ACSBG2: variants seen among roughly 807,000 people sequenced by gnomAD.
The protein encoded by ACSBG2 is acyl-CoA synthetase bubblegum family member 2.
In ACSBG2, 62 loss-of-function variants were observed where a neutral mutation model predicts 74.7. That is an observed-to-expected ratio of 0.83 (90% CI 0.68 to 1.03). ACSBG2 has a LOEUF of 1.03. Among genes scored for constraint, ACSBG2 ranks in the 50% least tolerant of loss-of-function variants. ACSBG2 has a pLI of 0.00. For synonymous variants in ACSBG2, 309 were observed against 294.1 expected (o/e 1.05, Z -0.52); for missense variants, 730 against 817.6 (o/e 0.89, Z 1.31).
chr19:6,176,145 C>T, intron 7 of ACSBG2: 2 of 449,312 alleles, frequency 4.5e-6, no homozygotes, highest in Non-Finnish European at 7.4e-6. Context: ...TCACATAATT[C>T]TCCCTGATTA....
intron 4 of ACSBG2, among the ~76,000 whole-genome samples, chr19:6,153,805 A>G (rs1023714459): frequency 1.3e-5 from 2 of 151,420 alleles, no homozygotes; most frequent in African/African-American, 4.9e-5. Flanking sequence ...TTATGATCAT[A>G]CCACTGCACT....
chr19:6,141,594 C>T lies in ACSBG2; in HGVS notation c.51C>T (p.Asp17=), dbSNP rs2088835844. 6.2e-7 allele frequency: 1 copy of T among 1,606,460 alleles called. No individual in the cohort carries two copies. The change falls in exon 2 of 15, where the codon GAC becomes GAT. Residue 17 remains aspartate, a synonymous_variant. Coordinates refer to ENST00000588485, the MANE Select transcript of ACSBG2 (RefSeq NM_030924.5). ...AAGGAGCTAAAGATCTTGAAGTAGA[C>T]ATGAATAAAACAGAAGGTATATTGC... ...TQEGAKDLEV[D]MNKTEVTPRL...
At chr19:6,142,908 G>A (rs903425921) in intron 2 of ACSBG2, among the ~76,000 whole-genome samples, 1 of 152,090 alleles carries the variant, frequency 6.6e-6, no homozygotes, top group Non-Finnish European at 1.5e-5. Context: ...TGGGTCCAAA[G>A]GGTGGAATAT....
intron 10 of ACSBG2, 110 bp from the exon 11 acceptor site, chr19:6,185,326 G>C: frequency 9.5e-7 from 1 of 1,058,078 alleles, no homozygotes; most frequent in African/African-American, 1.6e-5. Flanking sequence ...TGCATATCCA[G>C]CCTGCTCTAG....
At chr19:6,172,944 C>T (rs1042305423) in intron 7 of ACSBG2, among the ~76,000 whole-genome samples, 3 of 152,182 alleles carry the variant, frequency 2.0e-5, no homozygotes, top group Non-Finnish European at 2.9e-5. Context: ...TATCACACCC[C>T]TGTCATGGGG....
At chr19:6,135,658 T>G (rs1281245417), upstream of ACSBG2, 2 of 152,314 alleles carry the variant, frequency 1.3e-5, no homozygotes. Flanking sequence ...TGGAACGTTC[T>G]GGAAGGTTGA....
rs533106173 is a variant in ACSBG2 at position 6,190,885 on chromosome 19, TC to T, written c.*35+194del. Reference sequence around the variant, plus strand: ...TGCAGTGGATTCTGAGTAGCAGGCTTCAACTCATGCTGTCTCTACTCTACCA... The same window carrying T: ...TGCAGTGGATTCTGAGTAGCAGGCTTAACTCATGCTGTCTCTACTCTACCA... On this transcript the variant is annotated intron_variant, in intron 14 of 14. Transcript: ENST00000588485. The T allele has an allele frequency of 3.1e-4, 149 of 476,352 alleles. 1 individual carries two copies. In the East Asian group the frequency reaches 4.9e-3, roughly 16 times the overall value. The allele number at this position is 476,352 out of a possible 1,614,324, so 29.5% of individuals were successfully genotyped here. A position where few individuals can be genotyped will look rare whatever the true frequency, so the allele number is the denominator to read the frequency against.
intron 2 of ACSBG2, among the ~76,000 whole-genome samples, chr19:6,143,530 A>G (rs2088923275): frequency 6.6e-6 from 1 of 152,136 alleles, no homozygotes. Flanking sequence ...ATACGGTCAC[A>G]GTCTGAAATT....
At chr19:6,153,422 A>G (rs1293181371) in intron 4 of ACSBG2, among the ~76,000 whole-genome samples, 1 of 152,004 alleles carries the variant, frequency 6.6e-6, no homozygotes, top group East Asian at 1.9e-4. Context: ...ATAGAGGTTA[A>G]GTGTCTTCCC....
chr19:6,176,386 T>C, intron 7 of ACSBG2: 1 of 1,521,980 alleles, frequency 6.6e-7, no homozygotes, highest in Non-Finnish European at 8.8e-7. Flanking sequence ...CTGACCACCA[T>C]CTCATGCTTG....
Position 6,161,294 on chromosome 19 carries a change from C to G in ACSBG2, c.587C>G (p.Ser196Cys). 6.2e-7 allele frequency: 1 copy of G among 1,611,976 alleles called. No individual in the cohort carries two copies. Among genetic ancestry groups the G allele is most frequent in the Non-Finnish European group, 8.5e-7 (1 of 1,178,488 alleles). Residue 196 changes from serine to cysteine, a missense_variant and splice_region_variant, in exon 6 of 15, where the codon TCT becomes TGT. Transcript: ENST00000588485. ...ATGAAGAAGAACAACAACTTGTACT[C>G]TGTAAGTGTGGGAGGTGGGCACTGG... Reference protein sequence around the residue: ...LPMKKNNNLYSWDDFMELGRS... With the variant: ...LPMKKNNNLYCWDDFMELGRS...
At chr19:6,140,571 T>G (rs532726387) in intron 1 of ACSBG2, among the ~76,000 whole-genome samples, 2 of 152,042 alleles carry the variant, frequency 1.3e-5, no homozygotes, top group African/African-American at 4.8e-5. Flanking sequence ...TCCCTGCTAC[T>G]CCGGAGGCTG....
At chr19:6,181,285 G>A (rs1305179773) in intron 8 of ACSBG2, among the ~76,000 whole-genome samples, 7 of 144,810 alleles carry the variant, frequency 4.8e-5, no homozygotes, top group Non-Finnish European at 9.1e-5. Flanking sequence ...GGGAAGGGAG[G>A]GGAGGGGAGG....
intron 7 of ACSBG2, among the ~76,000 whole-genome samples, chr19:6,172,111 T>C (rs1186256598): frequency 6.6e-6 from 1 of 152,212 alleles, no homozygotes; most frequent in Non-Finnish European, 1.5e-5. Context: ...AGTTTCCTTA[T>C]ATTGGTTTCC....
intron 4 of ACSBG2, among the ~76,000 whole-genome samples, chr19:6,152,652 G>A (rs1488201419): frequency 1.3e-5 from 2 of 149,000 alleles, no homozygotes; most frequent in Admixed American, 6.8e-5. Flanking sequence ...ATTTCTTCTT[G>A]AGCTTGTAAT....
At position 6,190,850 on chromosome 19, in the gene ACSBG2, C is replaced by T. The variant is rs556762768; in HGVS notation, c.*35+158C>T. On this transcript the variant is annotated intron_variant, in intron 14 of 14. Coordinates refer to ENST00000588485, the MANE Select transcript of ACSBG2 (RefSeq NM_030924.5). ...ACACACACACACACACACACACACA[C>T]ACTCTTAGTTGCAGTGGATTCTGAG... 2.5e-5 allele frequency: 14 copies of T among 553,996 alleles called. No individual in the cohort carries two copies. In the Admixed American group the frequency reaches 3.8e-4, roughly 15 times the overall value. The allele number at this position is 553,996 out of a possible 1,614,324, so 34.3% of individuals were successfully genotyped here. A position where few individuals can be genotyped will look rare whatever the true frequency, so the allele number is the denominator to read the frequency against.
Position 6,147,574 on chromosome 19 carries a change from A to G in ACSBG2, c.196A>G (p.Thr66Ala). 6.2e-7 allele frequency: 1 copy of G among 1,614,194 alleles called. No individual in the cohort carries two copies. The highest frequency in any genetic ancestry group is 8.5e-7 in the Non-Finnish European group (1 of 1,180,024). Residue 66 changes from threonine to alanine, a missense_variant, in exon 3 of 15, where the codon ACT (threonine) becomes GCT (alanine). Coordinates refer to ENST00000588485, the MANE Select transcript of ACSBG2 (RefSeq NM_030924.5). ...TCGAGAGTCAGTCAACCGATTTGGA[A>G]CTTATCCAGCCCTCGCATCCAAGAA... ...FFRESVNRFGTYPALASKNGK... is the reference protein window; with the variant it reads ...FFRESVNRFGAYPALASKNGK...
intron 12 of ACSBG2, 45 bp downstream of exon 12, chr19:6,187,467 C>G (rs762767973): frequency 1.3e-5 from 21 of 1,608,838 alleles, no homozygotes; most frequent in Non-Finnish European, 1.8e-5. Flanking sequence ...TGCAGCCGGT[C>G]TTGGGTTCCC....
rs2090222106 is a variant in ACSBG2, at chr19:6,180,716, A to G, written c.907-2035A>G. On this transcript the variant is annotated intron_variant, in intron 8 of 14. Transcript: ENST00000588485. The surrounding 1 kb of genome is among the most constrained non-coding windows in gnomAD (Gnocchi z 4.3). ...AGTTTCTCTACATCTTCACTAACGC[A>G]TGTTACTATCTGTTTTATTATTATT... Among the ~76,000 whole-genome samples, 1 of 152,182 alleles carries G rather than the reference A, an allele frequency of 6.6e-6. No individual in the cohort carries two copies. The highest frequency in any genetic ancestry group is 2.1e-4 in the South Asian group (1 of 4,834).
Sources: gnomAD v4.1 joint callset for allele counts (sites outside exome capture counted in the v4.1 genomes callset) on GRCh38, gnomAD v4.1.1 for gene constraint, Gnocchi (gnomAD v3.1) non-coding constraint, MANE v1.5 for transcripts, NCBI Gene and HGNC (gene_info 2026-07-23, HGNC 2026-07-21) for gene names.